SPOCK1: variants seen among roughly 807,000 people sequenced by gnomAD.
SPOCK1 encodes the protein SPARC (osteonectin), cwcv and kazal like domains proteoglycan 1.
In SPOCK1, 23 loss-of-function variants were observed where a neutral mutation model predicts 55.3. The observed-to-expected ratio is 0.42, with a 90% CI of 0.30 to 0.59. SPOCK1 has a LOEUF of 0.59. Among genes scored for constraint, SPOCK1 ranks in the 20% least tolerant of loss-of-function variants. The pLI, the probability that SPOCK1 is intolerant of heterozygous loss-of-function variation, is 0.22. For synonymous variants in SPOCK1, 226 were observed against 221.0 expected, an observed-to-expected ratio of 1.02 and a Z score of -0.20; for missense variants, 499 against 552.5, an observed-to-expected ratio of 0.90 and a Z score of 0.97.
chr5:137,105,792 G>A (rs1753352745), intron 5 of SPOCK1, among the ~76,000 whole-genome samples: 1 of 152,210 alleles, frequency 6.6e-6, no homozygotes, highest in Non-Finnish European at 1.5e-5. Context: ...TCTTAACTCT[G>A]CGTCTCTCTT....
chr5:137,223,899 T>G (rs1022439032), intron 3 of SPOCK1, among the ~76,000 whole-genome samples: 1 of 152,162 alleles, frequency 6.6e-6, no homozygotes, highest in Non-Finnish European at 1.5e-5. Flanking sequence ...ATGAAAAAGT[T>G]AAATCTGAAA....
intron 2 of SPOCK1, among the ~76,000 whole-genome samples, chr5:137,329,390 A>G (rs1758131928): frequency 1.3e-5 from 2 of 152,008 alleles, no homozygotes; most frequent in South Asian, 4.2e-4. Context: ...ATATATACAC[A>G]TACACATCTA....
chr5:137,216,952 A>C (rs1755727116), intron 3 of SPOCK1, among the ~76,000 whole-genome samples: 2 of 152,162 alleles, frequency 1.3e-5, no homozygotes, highest in Admixed American at 6.6e-5. Context: ...GGCAGGAATT[A>C]GGAGGCTTGA....
chr5:137,306,709 CTTT>C (rs70979533), intron 2 of SPOCK1, among the ~76,000 whole-genome samples: 1 of 149,654 alleles, frequency 6.7e-6, no homozygotes, highest in Non-Finnish European at 1.5e-5. Context: ...AATCTGTTTT[CTTT>C]TTTTTTTCAG....
intron 2 of SPOCK1, among the ~76,000 whole-genome samples, chr5:137,399,922 C>G (rs1751938668): frequency 6.6e-6 from 1 of 152,152 alleles, no homozygotes; most frequent in South Asian, 2.1e-4. Context: ...ATAAAGAAAC[C>G]ACTAGGCTTG....
intron 3 of SPOCK1, among the ~76,000 whole-genome samples, chr5:137,172,016 T>C (rs755499852): frequency 1.3e-5 from 2 of 152,194 alleles, no homozygotes; most frequent in African/African-American, 2.4e-5. Context: ...CACCTGGCCT[T>C]TGAATGCAGG....
At chr5:137,035,334 GA>G (rs1191570356) in intron 6 of SPOCK1, among the ~76,000 whole-genome samples, 1 of 152,194 alleles carries the variant, frequency 6.6e-6, no homozygotes, top group African/African-American at 2.4e-5. Context: ...CCCTGGGGAA[GA>G]TACAGGGTCT....
At chr5:137,095,512 A>G (rs1369522067) in intron 5 of SPOCK1, among the ~76,000 whole-genome samples, 1 of 152,158 alleles carries the variant, frequency 6.6e-6, no homozygotes, top group Non-Finnish European at 1.5e-5. Context: ...CCTTTTTGTG[A>G]GTGTTGGTTA....
intron 2 of SPOCK1, among the ~76,000 whole-genome samples, chr5:137,390,109 T>A (rs1236483297): frequency 1.3e-5 from 2 of 152,160 alleles, no homozygotes; most frequent in African/African-American, 2.4e-5. Context: ...GGAAATCCTG[T>A]CTCCTCTTCT....
chr5:136,978,193 T>C lies in SPOCK1; in HGVS notation c.*461A>G, dbSNP rs1424468918. 2.8e-6 allele frequency: 1 copy of C among 354,218 alleles called. No homozygotes were observed. The highest frequency in any genetic ancestry group is 2.1e-5 in the African/African-American group (1 of 47,314). 21.9% of individuals were successfully genotyped at this position (354,218 alleles called of 1,614,324 possible). On this transcript the variant is annotated 3_prime_UTR_variant, in exon 11 of 11. Coordinates refer to ENST00000394945, the MANE Select transcript of SPOCK1 (RefSeq NM_004598.4). Reference sequence around the variant, plus strand: ...GGGGAAAAAGTACAGTGTGGTGTATTTTTTGTTTTTTTCTTTTTCACAACA... The same window carrying C: ...GGGGAAAAAGTACAGTGTGGTGTATCTTTTGTTTTTTTCTTTTTCACAACA...
At chr5:137,253,465 A>G (rs1235010231) in intron 3 of SPOCK1, among the ~76,000 whole-genome samples, 3 of 152,222 alleles carry the variant, frequency 2.0e-5, no homozygotes, top group Non-Finnish European at 4.4e-5. Context: ...GTTTGAGGAA[A>G]TTCTATGGGG....
At chr5:137,374,361 A>G (rs1751266616) in intron 2 of SPOCK1, among the ~76,000 whole-genome samples, 1 of 152,230 alleles carries the variant, frequency 6.6e-6, no homozygotes, top group Non-Finnish European at 1.5e-5. Context: ...AATCCCAACA[A>G]GCCCAGGTAC....
intron 3 of SPOCK1, among the ~76,000 whole-genome samples, chr5:137,244,915 C>T (rs1756366904): frequency 6.6e-6 from 1 of 152,172 alleles, no homozygotes; most frequent in African/African-American, 2.4e-5. Flanking sequence ...AAGATCTTTG[C>T]TGGTTTTTAA....
intron 4 of SPOCK1, among the ~76,000 whole-genome samples, chr5:137,118,958 G>T (rs1157917821): frequency 6.6e-6 from 1 of 152,170 alleles, no homozygotes; most frequent in African/African-American, 2.4e-5. Context: ...TGCCCTGAAC[G>T]CATCTCCCTG....
At chr5:137,044,000 A>G (rs1192137291) in intron 6 of SPOCK1, among the ~76,000 whole-genome samples, 1 of 152,200 alleles carries the variant, frequency 6.6e-6, no homozygotes, top group Non-Finnish European at 1.5e-5. Context: ...GGAACTCTCT[A>G]CTATCTTTGC....
intron 6 of SPOCK1, among the ~76,000 whole-genome samples, chr5:137,001,443 C>T (rs934276266): frequency 8.5e-5 from 13 of 152,302 alleles, no homozygotes; most frequent in African/African-American, 2.4e-4. Flanking sequence ...CCAGGTCCTA[C>T]GGATGGTAAA....
intron 2 of SPOCK1, among the ~76,000 whole-genome samples, chr5:137,338,364 C>T (rs1246235912): frequency 6.6e-6 from 1 of 152,086 alleles, no homozygotes; most frequent in Non-Finnish European, 1.5e-5. Flanking sequence ...TTTTTTATGG[C>T]TGCATAGTAT....
chr5:137,066,175 A>T (rs777232241), intron 6 of SPOCK1, among the ~76,000 whole-genome samples: 1 of 152,064 alleles, frequency 6.6e-6, no homozygotes, highest in Non-Finnish European at 1.5e-5. Context: ...GTCTCACTCT[A>T]TTGCTCAGGT....
intron 2 of SPOCK1, among the ~76,000 whole-genome samples, chr5:137,453,940 T>C (rs953494409): frequency 2.6e-5 from 4 of 152,104 alleles, no homozygotes; most frequent in African/African-American, 4.8e-5. Flanking sequence ...AATTTAGCTG[T>C]TTGTGCATGG....
Sources: gnomAD v4.1 joint callset for allele counts (sites outside exome capture counted in the v4.1 genomes callset) on GRCh38, gnomAD v4.1.1 for gene constraint, MANE v1.5 for transcripts, NCBI Gene and HGNC (gene_info 2026-07-23, HGNC 2026-07-21) for gene names.